DNMT3A: variants seen among roughly 807,000 people sequenced by gnomAD.
The protein encoded by DNMT3A is DNA (cytosine-5)-methyltransferase 3A.
A neutral mutation model predicts 117.6 loss-of-function variants in DNMT3A; 267 were observed. The ratio of observed to expected loss-of-function variants is 2.27; its 90% CI spans 2.05 to 2.51. DNMT3A has a LOEUF of 2.51. Ranked by LOEUF, DNMT3A falls within the 30% of genes most tolerant of loss-of-function variation. DNMT3A has a pLI of 0.00. For missense variants in DNMT3A, 1,029 were observed against 1,260.2 expected (o/e 0.82, Z 2.78); for synonymous variants, 432 against 474.8 (o/e 0.91, Z 1.17).
intron 3 of DNMT3A, among the ~76,000 whole-genome samples, chr2:25,289,038 A>G (rs1212520046): frequency 1.3e-5 from 2 of 151,580 alleles, no homozygotes; most frequent in African/African-American, 4.9e-5. Flanking sequence ...CTTACAATTC[A>G]TACCTCTGAA....
At position 25,227,886 on chromosome 2, in the gene DNMT3A, C is replaced by T. The variant is rs1672712153; in HGVS notation, c.*6393G>A. The T allele has an allele frequency of 6.6e-6, 1 of 151,780 alleles. No individual in the cohort carries two copies. 9.4% of individuals were successfully genotyped at this position (151,780 alleles called of 1,614,324 possible). ...CGGTGCTTTTCCATTTTTCTTTTTG[C>T]ACAAAAACAGTCCATTTATTCAAGT... On this transcript the variant is annotated 3_prime_UTR_variant, in exon 23 of 23. Transcript: ENST00000321117.
intron 6 of DNMT3A, among the ~76,000 whole-genome samples, chr2:25,260,784 G>A (rs1042085220): frequency 1.3e-5 from 2 of 152,106 alleles, no homozygotes; most frequent in East Asian, 1.9e-4. Flanking sequence ...GAGGGAGTGC[G>A]GACTGAGAGG....
At chr2:25,279,545 C>T (rs1229336959) in intron 4 of DNMT3A, among the ~76,000 whole-genome samples, 12 of 152,152 alleles carry the variant, frequency 7.9e-5, no homozygotes, top group Admixed American at 6.5e-5. Context: ...CTGCCCACCC[C>T]GCGAGGTAAC....
chr2:25,319,695 G>A (rs1278723776), intron 1 of DNMT3A, among the ~76,000 whole-genome samples: 1 of 151,514 alleles, frequency 6.6e-6, no homozygotes. Context: ...CTTTTTACCT[G>A]ACAAAACTAC....
At chr2:25,326,173 C>T (rs13024442) in intron 1 of DNMT3A, among the ~76,000 whole-genome samples, 5,491 of 145,544 alleles carry the variant, frequency 0.038, 143 homozygotes, top group South Asian at 0.085. Context: ...AATATGGTAA[C>T]CATTTTCTTC....
chr2:25,256,631 A>T (rs927596881), intron 6 of DNMT3A, among the ~76,000 whole-genome samples: 8 of 152,248 alleles, frequency 5.3e-5, no homozygotes, highest in Admixed American at 1.3e-4. Context: ...CATCCCAGAA[A>T]GTTCTTTTGA....
intron 6 of DNMT3A, among the ~76,000 whole-genome samples, chr2:25,251,465 A>T (rs934780): frequency 6.6e-6 from 1 of 151,944 alleles, no homozygotes. Context: ...GTCCGTCCAG[A>T]CTGGGAAAGC....
At chr2:25,238,216 G>A (rs544261612) in intron 20 of DNMT3A, among the ~76,000 whole-genome samples, 3 of 152,192 alleles carry the variant, frequency 2.0e-5, no homozygotes, top group South Asian at 2.1e-4. Flanking sequence ...GGGAACTCTC[G>A]GGGGACAGTT....
chr2:25,282,169 T>C lies in DNMT3A; in HGVS notation c.448+272A>G, dbSNP rs1250157644. 2 of 1,174,302 alleles carry C rather than the reference T, an allele frequency of 1.7e-6. No individual in the cohort carries two copies. Among genetic ancestry groups the C allele is most frequent in the South Asian group, 2.6e-5 (1 of 38,634 alleles). The allele number at this position is 1,174,302 out of a possible 1,614,324, so 72.7% of individuals were successfully genotyped here. Reference sequence around the variant, plus strand: ...CCAGATCTAGCTTTTTTTTTTTTCATGAGAAGCCAAAACTCCAGATTTTTA... The same window carrying C: ...CCAGATCTAGCTTTTTTTTTTTTCACGAGAAGCCAAAACTCCAGATTTTTA... On this transcript the variant is annotated intron_variant, in intron 4 of 22. Coordinates refer to ENST00000321117, the MANE Select transcript of DNMT3A (RefSeq NM_022552.5). The surrounding 1 kb of genome is among the most constrained non-coding windows in gnomAD (Gnocchi z 5.2).
At chr2:25,336,981 C>T (rs894581067) in intron 1 of DNMT3A, among the ~76,000 whole-genome samples, 8 of 152,206 alleles carry the variant, frequency 5.3e-5, no homozygotes, top group East Asian at 3.8e-4. Flanking sequence ...TGCAGTTCTT[C>T]GTTAGCTGGG....
At chr2:25,284,967 G>A (rs2032190368) in intron 3 of DNMT3A, among the ~76,000 whole-genome samples, 2 of 152,170 alleles carry the variant, frequency 1.3e-5, no homozygotes, top group Admixed American at 6.5e-5. Flanking sequence ...CCATCCCAGT[G>A]CAGATGGATC....
rs578186657 is a variant in DNMT3A at position 25,340,102 on chromosome 2, G to A, written c.-178+1724C>T. On this transcript the variant is annotated intron_variant, in intron 1 of 22. Transcript: ENST00000321117. ...GCTTCTGTCCCCGCTGGTTTGGAGGGGGGGTAGCTGCGCGGCCCTGGGGCT... is the reference window on the plus strand; with the variant it reads ...GCTTCTGTCCCCGCTGGTTTGGAGGAGGGGTAGCTGCGCGGCCCTGGGGCT... Among the ~76,000 whole-genome samples the A allele has an allele frequency of 1.2e-4, 19 of 152,362 alleles. No homozygotes were observed. The South Asian group carries it at 3.1e-3, about 25-fold the overall frequency.
At chr2:25,309,046 A>G (rs1311614796) in intron 2 of DNMT3A, among the ~76,000 whole-genome samples, 1 of 151,898 alleles carries the variant, frequency 6.6e-6, no homozygotes, top group Non-Finnish European at 1.5e-5. Flanking sequence ...CCCCAGCACA[A>G]AGATGCACCC....
At chr2:25,260,515 C>T (rs1676510657) in intron 6 of DNMT3A, among the ~76,000 whole-genome samples, 2 of 152,036 alleles carry the variant, frequency 1.3e-5, no homozygotes, top group South Asian at 2.1e-4. Flanking sequence ...CAGCATCTAG[C>T]GTCAAATATA....
chr2:25,310,913 C>T (rs995039682), intron 2 of DNMT3A, among the ~76,000 whole-genome samples: 1 of 152,188 alleles, frequency 6.6e-6, no homozygotes, highest in African/African-American at 2.4e-5. Flanking sequence ...GCTGAAGTTG[C>T]TCATTTGGGG....
rs1308753995 is a variant in DNMT3A, at chr2:25,249,779, A to G, written c.640-1527T>C. ...TAGCTCTGAGAACCATTAGCCTTTTACTGAATCTAGGAAACACGGCCCTCT... is the reference window on the plus strand; with the variant it reads ...TAGCTCTGAGAACCATTAGCCTTTTGCTGAATCTAGGAAACACGGCCCTCT... On this transcript the variant is annotated intron_variant, in intron 6 of 22. Coordinates refer to ENST00000321117, the MANE Select transcript of DNMT3A (RefSeq NM_022552.5). 6.9e-6 allele frequency: 11 copies of G among 1,598,794 alleles called. No individual in the cohort carries two copies. The East Asian group carries it at 2.2e-4, about 32-fold the overall frequency.
In DNMT3A at chr2:25,293,970, C is replaced by T. The variant is rs891643708; in HGVS notation, c.177+6169G>A. Reference sequence around the variant, plus strand: ...ACAGGTGTGAGCCATTGCACCCAGCCCCGTATACATTTTTCAATGAATCCC... The same window carrying T: ...ACAGGTGTGAGCCATTGCACCCAGCTCCGTATACATTTTTCAATGAATCCC... On this transcript the variant is annotated intron_variant, in intron 3 of 22. Transcript: ENST00000321117. This position sits in a 1 kb window ranked among gnomAD's most constrained non-coding sequence, Gnocchi z 4.7. Among the ~76,000 whole-genome samples, 2 of 152,194 alleles carry T rather than the reference C, an allele frequency of 1.3e-5. No individual in the cohort carries two copies. Among genetic ancestry groups the T allele is most frequent in the African/African-American group, 4.8e-5 (2 of 41,456 alleles).
At position 25,329,710 on chromosome 2, in the gene DNMT3A, CACAG is replaced by C. The variant is rs1553434015; in HGVS notation, c.-178+12112_-178+12115del. 6.0e-5 allele frequency among the ~76,000 whole-genome samples: 9 copies of C among 149,624 alleles called. No homozygotes were observed. In the South Asian group the frequency reaches 8.6e-4, roughly 14 times the overall value. ...ACACACACACACACACACACACACA[CACAG>C]ACACACAGATACAAACACACATAGA... On this transcript the variant is annotated intron_variant, in intron 1 of 22. Coordinates refer to ENST00000321117, the MANE Select transcript of DNMT3A (RefSeq NM_022552.5).
intron 4 of DNMT3A, among the ~76,000 whole-genome samples, chr2:25,278,402 G>A (rs893997084): frequency 2.0e-5 from 3 of 152,222 alleles, no homozygotes; most frequent in African/African-American, 7.2e-5. Flanking sequence ...CCTGAAAAGG[G>A]GCCCTATGCT....
Sources: gnomAD v4.1 joint callset for allele counts (sites outside exome capture counted in the v4.1 genomes callset) on GRCh38, gnomAD v4.1.1 for gene constraint, Gnocchi (gnomAD v3.1) non-coding constraint, MANE v1.5 for transcripts, NCBI Gene and HGNC (gene_info 2026-07-23, HGNC 2026-07-21) for gene names.